ROBO1: variants seen among roughly 807,000 people sequenced by gnomAD.
ROBO1 encodes the protein roundabout homolog 1.
ROBO1 carries 149 observed loss-of-function variants against 195.9 expected under a neutral mutation model. The observed-to-expected ratio is 0.76, with a 90% confidence interval of 0.67 to 0.87. The LOEUF (loss-of-function observed/expected upper bound fraction) is 0.87, where lower values mean the gene tolerates loss of function less well. ROBO1 is among the 40% of genes least tolerant of loss of function. The probability of loss-of-function intolerance (pLI) is 0.00; values close to 1 mark genes in which losing one functional copy is unlikely to be tolerated. For synonymous variants in ROBO1, 816 were observed against 733.2 expected, an observed-to-expected ratio of 1.11 and a Z score of -1.82; for missense variants, 1,933 against 2,068.3, an observed-to-expected ratio of 0.93 and a Z score of 1.27.
At chr3:79,008,595 G>A (rs1374886) in intron 3 of ROBO1, among the ~76,000 whole-genome samples, 145,214 of 151,466 alleles carry the variant, frequency 0.96, 69,761 homozygotes, top group East Asian at 1. Context: ...TTATGTATAC[G>A]TGCATTTTTT....
chr3:79,374,439 A>G (rs2036311778), intron 2 of ROBO1, among the ~76,000 whole-genome samples: 1 of 152,160 alleles, frequency 6.6e-6, no homozygotes, highest in South Asian at 2.1e-4. Context: ...ATCTCCCCTC[A>G]AGCTACTTAA....
At chr3:79,098,338 C>T in intron 3 of ROBO1, among the ~76,000 whole-genome samples, 1 of 151,792 alleles carries the variant, frequency 6.6e-6, no homozygotes, top group East Asian at 1.9e-4. Context: ...GTCTTGTATT[C>T]TAGAAGGAAT....
chr3:79,648,657 C>A (rs913428830), intron 1 of ROBO1, among the ~76,000 whole-genome samples: 12 of 151,900 alleles, frequency 7.9e-5, no homozygotes, highest in African/African-American at 2.9e-4. Context: ...GGGTAATATT[C>A]AGAGTAAATG....
intron 3 of ROBO1, among the ~76,000 whole-genome samples, chr3:79,017,493 G>GTGTT (rs2077978281): frequency 6.7e-6 from 1 of 149,254 alleles, no homozygotes; most frequent in Non-Finnish European, 1.5e-5. Context: ...GTGTGTGTGT[G>GTGTT]TTTTAAAGCC....
intron 4 of ROBO1, among the ~76,000 whole-genome samples, chr3:78,779,501 A>G (rs2083607761): frequency 6.6e-6 from 1 of 152,182 alleles, no homozygotes; most frequent in Non-Finnish European, 1.5e-5. Context: ...CAAACATATG[A>G]AAAAAAGCTC....
intron 1 of ROBO1, among the ~76,000 whole-genome samples, chr3:79,725,932 A>ATAT (rs1240236754): frequency 6.7e-6 from 1 of 149,882 alleles, no homozygotes; most frequent in Non-Finnish European, 1.5e-5. Flanking sequence ...TTAAAAAAAA[A>ATAT]AGTATATCTG....
rs1439224612 is a variant in ROBO1, at chr3:79,425,168, T to A, written c.88+164656A>T. ...CTATTTTTTTTCTATTTCCATTATATGCCCCTCACATTTTATTCATTTATT... is the reference window on the plus strand; with the variant it reads ...CTATTTTTTTTCTATTTCCATTATAAGCCCCTCACATTTTATTCATTTATT... On this transcript the variant is annotated intron_variant, in intron 2 of 30. Coordinates refer to ENST00000464233, the MANE Select transcript of ROBO1 (RefSeq NM_002941.4). 2.0e-5 allele frequency among the ~76,000 whole-genome samples: 3 copies of A among 152,134 alleles called. No individual in the cohort carries two copies. In the East Asian group the frequency reaches 5.8e-4, roughly 29 times the overall value.
intron 4 of ROBO1, among the ~76,000 whole-genome samples, chr3:78,898,372 T>C (rs1253267792): frequency 6.9e-6 from 1 of 145,334 alleles, no homozygotes; most frequent in Non-Finnish European, 1.5e-5. Context: ...GATAGATAGA[T>C]AGATAGGGTT....
chr3:79,547,435 C>T (rs1048442031), intron 2 of ROBO1, among the ~76,000 whole-genome samples: 4 of 151,990 alleles, frequency 2.6e-5, no homozygotes, highest in African/African-American at 9.7e-5. Context: ...GAAGTTTTTA[C>T]ATTTAATTTC....
At chr3:79,030,133 A>G (rs1220989601) in intron 3 of ROBO1, among the ~76,000 whole-genome samples, 3 of 152,182 alleles carry the variant, frequency 2.0e-5, no homozygotes, top group African/African-American at 7.2e-5. Context: ...TCCATTTCCT[A>G]ATGGAAACCG....
intron 2 of ROBO1, among the ~76,000 whole-genome samples, chr3:79,224,406 G>A (rs545112490): frequency 9.9e-4 from 151 of 152,284 alleles, no homozygotes; most frequent in African/African-American, 3.5e-3. Flanking sequence ...GCAAACTCAG[G>A]CTCACGCAGG....
chr3:78,922,826 G>A (rs1390154527), intron 4 of ROBO1, among the ~76,000 whole-genome samples: 1 of 151,472 alleles, frequency 6.6e-6, no homozygotes, highest in African/African-American at 2.4e-5. Context: ...TCGAACTCCT[G>A]ACCTCAAGGG....
intron 2 of ROBO1, among the ~76,000 whole-genome samples, chr3:79,267,047 C>A (rs2030030682): frequency 6.6e-6 from 1 of 151,340 alleles, no homozygotes; most frequent in African/African-American, 2.4e-5. Context: ...AAATGGCATG[C>A]TATTCTATAT....
intron 3 of ROBO1, among the ~76,000 whole-genome samples, chr3:79,041,780 G>A (rs1014531126): frequency 5.3e-5 from 8 of 152,276 alleles, no homozygotes; most frequent in Middle Eastern, 6.8e-3. Flanking sequence ...TGGTCTCTGA[G>A]CAGATGGCAT....
chr3:78,688,880 A>G, intron 8 of ROBO1, 108 bp from the exon 9 acceptor site: 2 of 1,097,812 alleles, frequency 1.8e-6, no homozygotes, highest in Non-Finnish European at 2.5e-6. Flanking sequence ...ACAACATGTT[A>G]TGTAAAACAG....
intron 4 of ROBO1, among the ~76,000 whole-genome samples, chr3:78,836,549 C>T (rs1234067139): frequency 1.4e-5 from 2 of 146,894 alleles, no homozygotes; most frequent in South Asian, 4.3e-4. Flanking sequence ...AAAATCCCTC[C>T]TATTGAATAG....
chr3:78,631,443 T>G (rs1361459251), intron 24 of ROBO1, 138 bp from the exon 25 acceptor site: 6 of 1,007,368 alleles, frequency 6.0e-6, no homozygotes, highest in Non-Finnish European at 8.4e-6. Flanking sequence ...TTTCATTAAT[T>G]TTAAACAGAA....
intron 5 of ROBO1, among the ~76,000 whole-genome samples, chr3:78,720,959 G>T (rs548972029): frequency 3.1e-4 from 47 of 151,184 alleles, no homozygotes; most frequent in South Asian, 8.3e-4. Flanking sequence ...TTGGGGGGGG[G>T]GCGGTGGAGG....
chr3:79,548,158 C>T (rs1463817038), intron 2 of ROBO1, among the ~76,000 whole-genome samples: 1 of 152,172 alleles, frequency 6.6e-6, no homozygotes, highest in African/African-American at 2.4e-5. Flanking sequence ...GAGATAGTAG[C>T]AGGTAACTTC....
Sources: allele counts gnomAD v4.1 joint callset (sites outside exome capture counted in the v4.1 genomes callset), GRCh38; gene constraint gnomAD v4.1.1; transcripts MANE v1.5; gene names NCBI Gene and HGNC (gene_info 2026-07-23, HGNC 2026-07-21).